Variants in KCNQ3 observed in about 807,000 individuals in gnomAD.
KCNQ3 encodes the protein potassium voltage-gated channel subfamily KQT member 3.
KCNQ3 carries 30 observed loss-of-function variants against 92.5 expected under a neutral mutation model. That is an observed-to-expected ratio of 0.32 (90% CI 0.24 to 0.44). The LOEUF is 0.44. Ranked by LOEUF, KCNQ3 falls within the 20% of genes least tolerant of loss-of-function variation. The probability of loss-of-function intolerance (pLI) is 1.00; values close to 1 mark genes in which losing one functional copy is unlikely to be tolerated. For missense variants in KCNQ3, 913 were observed against 1,140.3 expected (o/e 0.80, Z 2.87); for synonymous variants, 450 against 468.8 (o/e 0.96, Z 0.52).
intron 1 of KCNQ3, among the ~76,000 whole-genome samples, chr8:132,459,688 T>G (rs1822018757): frequency 6.6e-6 from 1 of 152,078 alleles, no homozygotes; most frequent in South Asian, 2.1e-4. Context: ...ACACCTGGCT[T>G]GAGGTCGTGT....
At chr8:132,473,081 T>C (rs1029713957) in intron 1 of KCNQ3, among the ~76,000 whole-genome samples, 1 of 152,100 alleles carries the variant, frequency 6.6e-6, no homozygotes, top group Non-Finnish European at 1.5e-5. Flanking sequence ...GAATAAAGAA[T>C]GACAACTTAT....
rs553625676 is a variant in KCNQ3 at position 132,410,699 on chromosome 8, C to G, written c.386+69448G>C. The stretch of plus-strand genomic sequence containing the variant: ...ACCTTTCACTACAGCTCTGCAGAAA[C>G]TAACAGTCACATTTTTCTAACAGGA... On this transcript the variant is annotated intron_variant, in intron 1 of 14. Transcript: ENST00000388996. Among the ~76,000 whole-genome samples the G allele has an allele frequency of 1.4e-4, 22 of 152,344 alleles. No individual in the cohort carries two copies. In the South Asian group the frequency reaches 4.1e-3, roughly 29 times the overall value.
chr8:132,158,159 A>G (rs1825865897), intron 9 of KCNQ3, among the ~76,000 whole-genome samples: 1 of 152,196 alleles, frequency 6.6e-6, no homozygotes, highest in South Asian at 2.1e-4. Flanking sequence ...TCTGGATAGC[A>G]GGAGAAAATA....
chr8:132,406,617 C>A (rs991474927), intron 1 of KCNQ3, among the ~76,000 whole-genome samples: 1 of 152,000 alleles, frequency 6.6e-6, no homozygotes, highest in African/African-American at 2.4e-5. Context: ...GACAAATATG[C>A]ACAAACATGG....
At chr8:132,234,095 G>A (rs1814726142) in intron 1 of KCNQ3, among the ~76,000 whole-genome samples, 2 of 152,134 alleles carry the variant, frequency 1.3e-5, no homozygotes, top group Non-Finnish European at 2.9e-5. Context: ...GTAAATAAAG[G>A]GTTATGTCTG....
chr8:132,350,583 A>G (rs1414722560), intron 1 of KCNQ3, among the ~76,000 whole-genome samples: 1 of 152,200 alleles, frequency 6.6e-6, no homozygotes, highest in Non-Finnish European at 1.5e-5. Context: ...CAACCAGGCA[A>G]GCGGGGCTCT....
intron 1 of KCNQ3, 59 bp downstream of exon 1, chr8:132,480,088 C>G: frequency 6.5e-7 from 1 of 1,532,716 alleles, no homozygotes; most frequent in Non-Finnish European, 8.9e-7. Context: ...GCTCCAGCCC[C>G]GACCCCAAGT....
At chr8:132,205,033 C>G (rs1371629734) in intron 1 of KCNQ3, among the ~76,000 whole-genome samples, 2 of 152,168 alleles carry the variant, frequency 1.3e-5, no homozygotes, top group African/African-American at 4.8e-5. Flanking sequence ...GAAGCTTGGA[C>G]AATATACAAA....
intron 1 of KCNQ3, among the ~76,000 whole-genome samples, chr8:132,406,148 A>G (rs1237985): frequency 6.6e-6 from 1 of 152,214 alleles, no homozygotes; most frequent in Non-Finnish European, 1.5e-5. Flanking sequence ...TGTCGTTTCA[A>G]AATATTTAAC....
intron 1 of KCNQ3, among the ~76,000 whole-genome samples, chr8:132,281,686 T>C (rs1271625620): frequency 6.6e-6 from 1 of 152,024 alleles, no homozygotes; most frequent in Non-Finnish European, 1.5e-5. Flanking sequence ...CAACTCCTGA[T>C]TGCATGCCCA....
chr8:132,186,587 G>A lies in KCNQ3; in HGVS notation c.387-406C>T, dbSNP rs1400571233. The A allele has an allele frequency of 1.3e-5, 4 of 319,470 alleles. No individual in the cohort carries two copies. The East Asian group carries it at 3.4e-4, about 27-fold the overall frequency. The allele number at this position is 319,470 out of a possible 1,614,324, so 19.8% of individuals were successfully genotyped here. On this transcript the variant is annotated intron_variant, in intron 1 of 14. Coordinates refer to ENST00000388996, the MANE Select transcript of KCNQ3 (RefSeq NM_004519.4). ...ACATAGGACTGATTTAAAAATATAT[G>A]AAAATGTTTTCTTAGAATGAAGAAA...
chr8:132,150,221 T>C (rs1441239759), intron 9 of KCNQ3, among the ~76,000 whole-genome samples: 1 of 152,222 alleles, frequency 6.6e-6, no homozygotes, highest in Non-Finnish European at 1.5e-5. Flanking sequence ...CACGTCTTTC[T>C]GTATGGCTGG....
chr8:132,275,419 A>G (rs1807942646), intron 1 of KCNQ3, among the ~76,000 whole-genome samples: 1 of 152,182 alleles, frequency 6.6e-6, no homozygotes, highest in South Asian at 2.1e-4. Context: ...GAAAGCTGTA[A>G]AATGACATAG....
chr8:132,241,792 C>T (rs192620441), intron 1 of KCNQ3, among the ~76,000 whole-genome samples: 25 of 152,140 alleles, frequency 1.6e-4, no homozygotes, highest in African/African-American at 5.8e-4. Context: ...TGAGATGGTG[C>T]CACTGCACTC....
chr8:132,238,844 C>T (rs935699865), intron 1 of KCNQ3, among the ~76,000 whole-genome samples: 18 of 152,092 alleles, frequency 1.2e-4, no homozygotes, highest in Non-Finnish European at 4.4e-5. Context: ...TCATATGGTC[C>T]TAACCTAGAC....
intron 1 of KCNQ3, among the ~76,000 whole-genome samples, chr8:132,350,023 T>C (rs565551419): frequency 6.6e-6 from 1 of 152,326 alleles, no homozygotes; most frequent in African/African-American, 2.4e-5. Context: ...ATCATTTAAA[T>C]GGAGCCTCTT....
At chr8:132,388,522 A>G (rs762317078) in intron 1 of KCNQ3, among the ~76,000 whole-genome samples, 17 of 152,330 alleles carry the variant, frequency 1.1e-4, no homozygotes, top group Non-Finnish European at 2.4e-4. Flanking sequence ...AAAAAATAAT[A>G]TTAGAAAACA....
chr8:132,368,332 CT>C lies in KCNQ3; in HGVS notation c.386+111814del, dbSNP rs1482683939. The stretch of plus-strand genomic sequence containing the variant: ...GTGTGTGCTACGTAATGCCTCATGT[CT>C]TTTTCACAACAATCTTATTTGATAT... On this transcript the variant is annotated intron_variant, in intron 1 of 14. Coordinates refer to ENST00000388996, the MANE Select transcript of KCNQ3 (RefSeq NM_004519.4). Among the ~76,000 whole-genome samples the C allele has an allele frequency of 2.6e-5, 4 of 152,108 alleles. No individual in the cohort carries two copies. The East Asian group carries it at 5.8e-4, about 22-fold the overall frequency.
At chr8:132,277,532 G>A (rs1303471025) in intron 1 of KCNQ3, among the ~76,000 whole-genome samples, 1 of 152,200 alleles carries the variant, frequency 6.6e-6, no homozygotes, top group East Asian at 1.9e-4. Context: ...CAGTAGACAA[G>A]GAGGCATGGG....
Sources: gnomAD v4.1 joint callset for allele counts (sites outside exome capture counted in the v4.1 genomes callset) on GRCh38, gnomAD v4.1.1 for gene constraint, MANE v1.5 for transcripts, NCBI Gene and HGNC (gene_info 2026-07-23, HGNC 2026-07-21) for gene names.